The following ADGRV1 variants were observed in gnomAD, a reference collection of about 807,000 sequenced individuals.
The protein encoded by ADGRV1 is adhesion G protein-coupled receptor V1.
ADGRV1 carries 359 observed loss-of-function variants against 596.2 expected under a neutral mutation model. The ratio of observed to expected loss-of-function variants is 0.60; its 90% CI spans 0.55 to 0.66. The LOEUF (loss-of-function observed/expected upper bound fraction) is 0.66. Among genes scored for constraint, ADGRV1 ranks in the 30% least tolerant of loss-of-function variants. The pLI, the probability that ADGRV1 is intolerant of heterozygous loss-of-function variation, is 0.00. For synonymous variants in ADGRV1, 2,681 were observed against 2,679.2 expected (o/e 1.00, Z -0.02); for missense variants, 7,274 against 7,575.6 (o/e 0.96, Z 1.48).
At chr5:90,994,397 G>T (rs527720299) in intron 85 of ADGRV1, among the ~76,000 whole-genome samples, 4 of 152,014 alleles carry the variant, frequency 2.6e-5, no homozygotes, top group Non-Finnish European at 5.9e-5. Context: ...GAATTTCTAT[G>T]TGGTTCTTTT....
chr5:91,123,634 A>C (rs1203156775), intron 87 of ADGRV1, among the ~76,000 whole-genome samples: 1 of 152,220 alleles, frequency 6.6e-6, no homozygotes, highest in Non-Finnish European at 1.5e-5. Flanking sequence ...TCCCAACATT[A>C]CCATCCTTGT....
chr5:90,898,045 A>G (rs1771496134), intron 83 of ADGRV1, among the ~76,000 whole-genome samples: 1 of 152,136 alleles, frequency 6.6e-6, no homozygotes, highest in African/African-American at 2.4e-5. Context: ...TTTCTAATGA[A>G]CAAGATTGCT....
rs1239545886 is a variant in ADGRV1, at chr5:90,637,799, T to G, written c.2091T>G (p.Phe697Leu). 3 of 1,613,554 alleles carry G rather than the reference T, an allele frequency of 1.9e-6. No individual in the cohort carries two copies. The highest frequency in any genetic ancestry group is 2.5e-6 in the Non-Finnish European group (3 of 1,179,766). The change falls in exon 11 of 90, where the codon TTT becomes TTG. Residue 697 changes from phenylalanine (F) to leucine (L), a missense_variant. Coordinates refer to ENST00000405460, the MANE Select transcript of ADGRV1 (RefSeq NM_032119.4). ...TVYWSLKPSG[F>L]NSKAVTPDDI... ...ACTGGAGTTTGAAGCCCTCTGGCTT[T>G]AATTCAAAAGCAGTGACCCCGGATG...
chr5:90,936,532 A>C (rs189060417), intron 83 of ADGRV1, among the ~76,000 whole-genome samples: 1 of 151,796 alleles, frequency 6.6e-6, no homozygotes, highest in African/African-American at 2.4e-5. Flanking sequence ...TTTGTTGACT[A>C]TCTCTACTTT....
At chr5:90,621,069 G>A (rs555789339) in intron 4 of ADGRV1, among the ~76,000 whole-genome samples, 49 of 152,168 alleles carry the variant, frequency 3.2e-4, no homozygotes, top group African/African-American at 1.1e-3. Context: ...ACACAAAATA[G>A]GGCCCTTCTT....
chr5:90,721,530 T>TAAAA (rs773319820), intron 45 of ADGRV1, among the ~76,000 whole-genome samples: 9 of 61,440 alleles, frequency 1.5e-4, no homozygotes, highest in African/African-American at 5.1e-4. Flanking sequence ...AAAATAAAAA[T>TAAAA]AAAAATAAAA....
At chr5:90,866,250 A>G (rs1768080406) in intron 83 of ADGRV1, among the ~76,000 whole-genome samples, 1 of 151,944 alleles carries the variant, frequency 6.6e-6, no homozygotes. Context: ...ATGCTCGTCC[A>G]GCTCTACTTT....
At chr5:90,690,697 C>A in intron 30 of ADGRV1, 100 bp from the exon 31 acceptor site, 1 of 1,216,428 alleles carries the variant, frequency 8.2e-7, no homozygotes, top group Non-Finnish European at 1.2e-6. Flanking sequence ...ACTTAGATTG[C>A]TTAGGGGGGA....
intron 38 of ADGRV1, among the ~76,000 whole-genome samples, chr5:90,707,619 C>T (rs139865095): frequency 6.6e-6 from 1 of 152,146 alleles, no homozygotes; most frequent in Non-Finnish European, 1.5e-5. Flanking sequence ...TTTGATAAAG[C>T]TTTCAAGTAA....
chr5:91,132,012 A>G (rs7712353), intron 87 of ADGRV1, among the ~76,000 whole-genome samples: 4,486 of 152,214 alleles, frequency 0.029, 248 homozygotes, highest in African/African-American at 0.1. Flanking sequence ...TCTCCTGGAT[A>G]TGGCTATCCA....
chr5:90,641,273 A>C (rs1766937983), intron 11 of ADGRV1, among the ~76,000 whole-genome samples: 1 of 152,188 alleles, frequency 6.6e-6, no homozygotes, highest in Non-Finnish European at 1.5e-5. Context: ...TTAGCAATCA[A>C]TTATCTGAAC....
At position 90,712,379 on chromosome 5, in the gene ADGRV1, G is replaced by A; in HGVS notation, c.9135G>A (p.Leu3045=). The A allele has an allele frequency of 6.3e-7, 1 of 1,587,420 alleles. No homozygotes were observed. The stretch of plus-strand genomic sequence containing the variant: ...CAGAAGGAGATGAAAAATTTCAGCT[G>A]ATTTTAACAAATCCTTCTCCTGGAC... ...DIPEGDEKFQ[L]ILTNPSPGLE... is the part of the protein sequence containing the mutation. The change falls in exon 42 of 90, where the codon CTG becomes CTA. Residue 3045 remains leucine (L), a synonymous_variant. Coordinates refer to ENST00000405460, the MANE Select transcript of ADGRV1 (RefSeq NM_032119.4).
intron 83 of ADGRV1, among the ~76,000 whole-genome samples, chr5:90,881,548 G>A (rs1197964526): frequency 6.6e-6 from 1 of 152,048 alleles, no homozygotes; most frequent in African/African-American, 2.4e-5. Flanking sequence ...AATAACTCAA[G>A]GGAGGTGAAC....
intron 21 of ADGRV1, among the ~76,000 whole-genome samples, chr5:90,658,557 ATACTC>A (rs1356112425): frequency 1.3e-5 from 2 of 152,200 alleles, no homozygotes; most frequent in African/African-American, 4.8e-5. Context: ...ACGTATGTGT[ATACTC>A]TACCTATTTA....
intron 85 of ADGRV1, among the ~76,000 whole-genome samples, chr5:91,041,528 C>T (rs1372635270): frequency 6.7e-6 from 1 of 149,330 alleles, no homozygotes; most frequent in South Asian, 2.2e-4. Context: ...GGAGAAATAC[C>T]TAATGTAGAT....
In ADGRV1 at chr5:90,763,287, T is replaced by A. The variant is rs750670531; in HGVS notation, c.12121-18T>A. On this transcript the variant is annotated intron_variant, in intron 58 of 89. Coordinates refer to ENST00000405460, the MANE Select transcript of ADGRV1 (RefSeq NM_032119.4). ...TGTTTTTTTTTTTGTTTGGCCTTAC[T>A]GAATTTTCTTCTTTCAGGTAATGAT... The A allele has an allele frequency of 6.7e-7, 1 of 1,486,998 alleles. No individual in the cohort carries two copies. 92.1% of individuals were successfully genotyped at this position (1,486,998 alleles called of 1,614,324 possible). A position where few individuals can be genotyped will look rare whatever the true frequency, so the allele number is the denominator to read the frequency against.
intron 66 of ADGRV1, 99 bp downstream of exon 66, chr5:90,783,424 T>C: frequency 2.4e-6 from 2 of 841,608 alleles, no homozygotes; most frequent in Non-Finnish European, 3.8e-6. Flanking sequence ...TTAGATAATA[T>C]GTGTCCATTG....
At chr5:90,809,489 C>G (rs955771432) in intron 73 of ADGRV1, among the ~76,000 whole-genome samples, 5 of 152,160 alleles carry the variant, frequency 3.3e-5, no homozygotes, top group Non-Finnish European at 7.3e-5. Context: ...TGAATGGCCT[C>G]TGTGTGAGGT....
chr5:91,041,308 A>G (rs1302284566), intron 85 of ADGRV1, among the ~76,000 whole-genome samples: 4 of 152,198 alleles, frequency 2.6e-5, no homozygotes, highest in Admixed American at 6.5e-5. Flanking sequence ...ATGCAGCCAT[A>G]AAAAAGGATG....
Sources: gnomAD v4.1 joint callset for allele counts (sites outside exome capture counted in the v4.1 genomes callset) on GRCh38, gnomAD v4.1.1 for gene constraint, MANE v1.5 for transcripts, NCBI Gene and HGNC (gene_info 2026-07-23, HGNC 2026-07-21) for gene names.